Variants in CCDC73 observed in about 807,000 individuals in gnomAD.
CCDC73 encodes the protein coiled-coil domain containing 73.
Under a neutral mutation model 116.5 loss-of-function variants are expected in CCDC73, and 95 were observed. The observed-to-expected ratio is 0.82, with a 90% CI of 0.69 to 0.97. The LOEUF (loss-of-function observed/expected upper bound fraction) is 0.97. Among genes scored for constraint, CCDC73 ranks in the 50% least tolerant of loss-of-function variants. The pLI is 0.00. For synonymous variants in CCDC73, 398 were observed against 401.3 expected (o/e 0.99, Z 0.10); for missense variants, 1,066 against 1,206.8 (o/e 0.88, Z 1.73).
intron 2 of CCDC73, among the ~76,000 whole-genome samples, chr11:32,732,761 GA>G (rs1328956379): frequency 4.6e-5 from 7 of 152,164 alleles, no homozygotes; most frequent in Admixed American, 4.6e-4. Context: ...AAGAGCTCCT[GA>G]AGGAAGCACT....
At chr11:32,800,400 G>A in the CCDC73 span, among the ~76,000 whole-genome samples, 1 of 151,752 alleles carries the variant, frequency 6.6e-6, no homozygotes, top group Non-Finnish European at 1.5e-5. Context: ...CTTCAGCCTG[G>A]GCAACACAGT....
chr11:32,773,181 A>G (rs1240874140), intron 1 of CCDC73, among the ~76,000 whole-genome samples: 1 of 152,232 alleles, frequency 6.6e-6, no homozygotes, highest in Non-Finnish European at 1.5e-5. Context: ...AAAAGGCCAC[A>G]TATTTAATGA....
chr11:32,723,922 AAATT>A (rs1850010929), intron 2 of CCDC73, among the ~76,000 whole-genome samples: 1 of 152,104 alleles, frequency 6.6e-6, no homozygotes, highest in Non-Finnish European at 1.5e-5. Context: ...ATGGAAGAAA[AAATT>A]AAAGTTCTAA....
At chr11:32,807,038 C>T in the CCDC73 span, among the ~76,000 whole-genome samples, 1 of 152,182 alleles carries the variant, frequency 6.6e-6, no homozygotes, top group Non-Finnish European at 1.5e-5. Context: ...TGAGCTTCTA[C>T]AGCCCTTCCT....
rs1291085728 is a variant in CCDC73 at position 32,721,279 on chromosome 11, C to T, written c.136-3132G>A. Among the ~76,000 whole-genome samples, 4 of 152,138 alleles carry T rather than the reference C, an allele frequency of 2.6e-5. No homozygotes were observed. The East Asian group carries it at 7.7e-4, about 29-fold the overall frequency. The stretch of plus-strand genomic sequence containing the variant: ...GCCTCAGGTGATCTGCCTGCCTCGG[C>T]CTCCCAAAGTGCTGCGATTACAGGA... On this transcript the variant is annotated intron_variant, in intron 2 of 17. Transcript: ENST00000335185.
chr11:32,653,081 AAC>A (rs1466296797), intron 12 of CCDC73, 40 bp downstream of exon 12: 6 of 1,184,692 alleles, frequency 5.1e-6, no homozygotes, highest in Non-Finnish European at 7.5e-6. Context: ...AATATACTAA[AAC>A]ACAGATAGAT....
intron 14 of CCDC73, among the ~76,000 whole-genome samples, chr11:32,617,479 T>C (rs577292563): frequency 6.6e-6 from 1 of 152,184 alleles, no homozygotes; most frequent in Non-Finnish European, 1.5e-5. Flanking sequence ...GAACCACTGA[T>C]AAGTTGCACC....
intron 1 of CCDC73, among the ~76,000 whole-genome samples, chr11:32,792,876 T>C (rs899595864): frequency 4.6e-5 from 7 of 152,340 alleles, no homozygotes; most frequent in East Asian, 1.9e-4. Flanking sequence ...ATACTGGGAA[T>C]ACCTACGGTA....
chr11:32,763,726 C>T (rs556308817), intron 1 of CCDC73, among the ~76,000 whole-genome samples: 8 of 152,320 alleles, frequency 5.3e-5, no homozygotes, highest in South Asian at 2.1e-4. Flanking sequence ...TCCAACGGAA[C>T]GCAGCTCCTC....
At chr11:32,711,600 G>A (rs1236824870) in intron 3 of CCDC73, among the ~76,000 whole-genome samples, 1 of 152,094 alleles carries the variant, frequency 6.6e-6, no homozygotes, top group African/African-American at 2.4e-5. Flanking sequence ...TTGGACTTTG[G>A]GGAATCAGGC....
At position 32,617,034 on chromosome 11, in the gene CCDC73, G is replaced by A. The variant is rs958382436; in HGVS notation, c.1186-905C>T. ...CCAGAAAGAATAAATGGCATATAGC[G>A]ATACTTAAGAGCAAGCAAGATTAAG... On this transcript the variant is annotated intron_variant, in intron 14 of 17. Transcript: ENST00000335185. Among the ~76,000 whole-genome samples, 3 of 152,258 alleles carry A rather than the reference G, an allele frequency of 2.0e-5. No individual in the cohort carries two copies. The East Asian group carries it at 5.8e-4, about 29-fold the overall frequency.
At chr11:32,811,118 A>G in the CCDC73 span, among the ~76,000 whole-genome samples, 35 of 151,534 alleles carry the variant, frequency 2.3e-4, no homozygotes, top group Non-Finnish European at 4.4e-4. Context: ...TTACTACTTT[A>G]TGTGATGCAC....
the CCDC73 span, among the ~76,000 whole-genome samples, chr11:32,817,356 G>C: frequency 6.6e-6 from 1 of 152,156 alleles, no homozygotes; most frequent in African/African-American, 2.4e-5. Context: ...CATTTTTAAG[G>C]CTTTTTACAT....
At chr11:32,684,810 C>T (rs58093789) in intron 6 of CCDC73, among the ~76,000 whole-genome samples, 10,529 of 152,016 alleles carry the variant, frequency 0.069, 460 homozygotes, top group South Asian at 0.15. Flanking sequence ...TGGTGAAAGT[C>T]TGAAAACAAA....
chr11:32,783,952 T>C (rs1850604918), intron 1 of CCDC73, among the ~76,000 whole-genome samples: 2 of 152,200 alleles, frequency 1.3e-5, no homozygotes, highest in African/African-American at 4.8e-5. Flanking sequence ...ATGGTATTAA[T>C]AGATTATCAA....
At chr11:32,646,271 G>C (rs954676255) in intron 12 of CCDC73, among the ~76,000 whole-genome samples, 3 of 152,034 alleles carry the variant, frequency 2.0e-5, no homozygotes, top group African/African-American at 7.2e-5. Flanking sequence ...ATACAAATTA[G>C]GTTATCTCTG....
upstream of CCDC73, among the ~76,000 whole-genome samples, chr11:32,796,358 A>G (rs755795877): frequency 3.9e-5 from 6 of 152,242 alleles, no homozygotes; most frequent in Non-Finnish European, 8.8e-5. Context: ...TTTACCAACC[A>G]TAACAGCTAT....
chr11:32,619,267 TGA>T (rs74789823), intron 14 of CCDC73, among the ~76,000 whole-genome samples: 34,594 of 152,128 alleles, frequency 0.23, 4,190 homozygotes, highest in Middle Eastern at 0.28. Context: ...TGGTGTTTGC[TGA>T]GTTTTCTTTT....
chr11:32,620,610 C>CAAAAAAAAAAA, intron 14 of CCDC73, among the ~76,000 whole-genome samples: 1 of 61,340 alleles, frequency 1.6e-5, no homozygotes, highest in Non-Finnish European at 2.8e-5. Flanking sequence ...GACTCAGTCT[C>CAAAAAAAAAAA]AAAAAAAAAA....
Sources: allele counts gnomAD v4.1 joint callset (sites outside exome capture counted in the v4.1 genomes callset), GRCh38; gene constraint gnomAD v4.1.1; transcripts MANE v1.5; gene names NCBI Gene and HGNC (gene_info 2026-07-23, HGNC 2026-07-21).